The following SIPA1L1 variants were observed in gnomAD, a reference collection of about 807,000 sequenced individuals.
SIPA1L1 encodes the protein signal induced proliferation associated 1 like 1.
A neutral mutation model predicts 162.7 loss-of-function variants in SIPA1L1; 26 were observed. The ratio of observed to expected loss-of-function variants is 0.16; its 90% confidence interval spans 0.12 to 0.22. The LOEUF is 0.22. Among genes scored for constraint, SIPA1L1 ranks in the 10% least tolerant of loss-of-function variants. The pLI is 1.00. For synonymous variants in SIPA1L1, 829 were observed against 837.4 expected (o/e 0.99, Z 0.17); for missense variants, 1,874 against 2,241.0 (o/e 0.84, Z 3.31).
At chr14:71,571,778 A>T (rs965250794) in intron 4 of SIPA1L1, among the ~76,000 whole-genome samples, 1 of 150,182 alleles carries the variant, frequency 6.7e-6, no homozygotes, top group African/African-American at 2.4e-5. Flanking sequence ...AGTAGCTGGG[A>T]CTACAGGCGC....
rs59366514 is a variant in SIPA1L1, at chr14:71,332,638, A to C, written c.-465+11457A>C. ...TTAAATCTTGGTTTCTTCTACTCCC[A>C]CACCCACCCCAAAAGAATCTGGAAA... On this transcript the variant is annotated intron_variant, in intron 2 of 23. Transcript: ENST00000381232. Among the ~76,000 whole-genome samples, 544 of 152,206 alleles carry C rather than the reference A, an allele frequency of 3.6e-3. 2 individuals are homozygous for C. The highest frequency in any genetic ancestry group is 0.013 in the African/African-American group (521 of 41,542).
chr14:71,347,356 A>G (rs1328268077), intron 2 of SIPA1L1, among the ~76,000 whole-genome samples: 1 of 152,134 alleles, frequency 6.6e-6, no homozygotes, highest in Non-Finnish European at 1.5e-5. Context: ...CTTGTCAAGT[A>G]ATATTCTATT....
rs773056926 is a variant in SIPA1L1 at position 71,588,453 on chromosome 14, C to T, written c.581C>T (p.Pro194Leu). 40 of 1,613,862 alleles carry T rather than the reference C, an allele frequency of 2.5e-5. No individual in the cohort carries two copies. In the South Asian group the frequency reaches 4.2e-4, roughly 17 times the overall value. ...DVDSFDECISPTYKTGPSLHR... is the reference protein window; with the variant it reads ...DVDSFDECISLTYKTGPSLHR... Reference sequence around the variant, plus strand: ...GATAGCTTTGATGAATGTATCTCACCTACATACAAGACTGGACCATCACTG... The same window carrying T: ...GATAGCTTTGATGAATGTATCTCACTTACATACAAGACTGGACCATCACTG... Residue 194 changes from proline to leucine, a missense_variant, in exon 5 of 24, where the codon CCT becomes CTT. Coordinates refer to ENST00000381232, the MANE Select transcript of SIPA1L1 (RefSeq NM_001386936.1). This position sits in a 1 kb window ranked among gnomAD's most constrained non-coding sequence, Gnocchi z 4.3.
At chr14:71,558,270 T>C (rs1467897950) in intron 4 of SIPA1L1, among the ~76,000 whole-genome samples, 1 of 152,190 alleles carries the variant, frequency 6.6e-6, no homozygotes, top group Non-Finnish European at 1.5e-5. Flanking sequence ...ATACTTCTGC[T>C]TGAGTACCTA....
At chr14:71,516,501 C>A (rs2051740084) in intron 3 of SIPA1L1, among the ~76,000 whole-genome samples, 1 of 152,150 alleles carries the variant, frequency 6.6e-6, no homozygotes, top group Non-Finnish European at 1.5e-5. Context: ...ATCCTCCCAC[C>A]TCAGCCTCCT....
intron 7 of SIPA1L1, among the ~76,000 whole-genome samples, chr14:71,645,121 C>T (rs961417642): frequency 6.6e-6 from 1 of 152,234 alleles, no homozygotes; most frequent in South Asian, 2.1e-4. Context: ...CATGGCCCTT[C>T]CTCCATCTCC....
intron 2 of SIPA1L1, among the ~76,000 whole-genome samples, chr14:71,389,829 G>C (rs1290665084): frequency 6.6e-6 from 1 of 152,150 alleles, no homozygotes. Flanking sequence ...CTGTCAGTGT[G>C]GTGCTGTGTT....
intron 4 of SIPA1L1, 60 bp downstream of exon 4, chr14:71,529,430 G>A: frequency 1.8e-6 from 1 of 569,654 alleles, no homozygotes; most frequent in African/African-American, 1.9e-5. Flanking sequence ...GATTTTCTGT[G>A]TTTAAATTTC....
intron 5 of SIPA1L1, among the ~76,000 whole-genome samples, chr14:71,613,916 T>C (rs535120887): frequency 1.0e-3 from 158 of 152,074 alleles, no homozygotes; most frequent in African/African-American, 3.6e-3. Flanking sequence ...GATCTCAAAA[T>C]TGTAGGCATG....
At chr14:71,446,805 T>A (rs563758849) in intron 2 of SIPA1L1, among the ~76,000 whole-genome samples, 1 of 152,086 alleles carries the variant, frequency 6.6e-6, no homozygotes, top group Admixed American at 6.6e-5. Flanking sequence ...AACTCTTGCC[T>A]TTTCTTCATC....
At chr14:71,535,072 T>C (rs934093216) in intron 4 of SIPA1L1, among the ~76,000 whole-genome samples, 6 of 152,178 alleles carry the variant, frequency 3.9e-5, no homozygotes, top group African/African-American at 1.4e-4. Flanking sequence ...ATCTATAATT[T>C]TACCGTCCAG....
intron 4 of SIPA1L1, among the ~76,000 whole-genome samples, chr14:71,580,597 CTACTT>C (rs1335999879): frequency 1.3e-5 from 2 of 152,188 alleles, no homozygotes; most frequent in Non-Finnish European, 2.9e-5. Flanking sequence ...TTAGTACTCT[CTACTT>C]TATACAGCCT....
At chr14:71,671,097 C>T (rs746726646) in intron 10 of SIPA1L1, 22 bp from the exon 11 acceptor site, 1 of 1,547,818 alleles carries the variant, frequency 6.5e-7, no homozygotes, top group Non-Finnish European at 8.7e-7. Flanking sequence ...TGACGTGGCT[C>T]TCTTTGATCT....
intron 22 of SIPA1L1, chr14:71,735,692 C>A: frequency 3.7e-6 from 1 of 272,674 alleles, no homozygotes. Flanking sequence ...TCTAAGTATT[C>A]CTGTGCTCTG....
At chr14:71,394,744 A>T (rs570757539) in intron 2 of SIPA1L1, among the ~76,000 whole-genome samples, 1 of 152,380 alleles carries the variant, frequency 6.6e-6, no homozygotes, top group South Asian at 2.1e-4. Context: ...TTGTAGTTGA[A>T]TAATGTGCCC....
intron 2 of SIPA1L1, among the ~76,000 whole-genome samples, chr14:71,365,597 AAAT>A (rs2140930534): frequency 6.6e-6 from 1 of 152,286 alleles, no homozygotes; most frequent in East Asian, 1.9e-4. Flanking sequence ...TTAAATTAAT[AAAT>A]AATAATTCCT....
chr14:71,671,890 A>G (rs946536645), intron 11 of SIPA1L1, among the ~76,000 whole-genome samples, 198 bp downstream of exon 11: 1 of 144,234 alleles, frequency 6.9e-6, no homozygotes. Flanking sequence ...ATTGGGGAAG[A>G]CACATTTACT....
At chr14:71,704,926 C>A in intron 15 of SIPA1L1, 1 of 671,840 alleles carries the variant, frequency 1.5e-6, no homozygotes. Context: ...ATTTTTCCCC[C>A]AAACCAAAAG....
At chr14:71,593,996 A>T (rs1314747117) in intron 5 of SIPA1L1, among the ~76,000 whole-genome samples, 1 of 152,198 alleles carries the variant, frequency 6.6e-6, no homozygotes, top group Non-Finnish European at 1.5e-5. Flanking sequence ...ACTAATGCTT[A>T]TGCACCTAAA....
Sources: allele counts gnomAD v4.1 joint callset (sites outside exome capture counted in the v4.1 genomes callset), GRCh38; gene constraint gnomAD v4.1.1; non-coding constraint Gnocchi (gnomAD v3.1); transcripts MANE v1.5; gene names NCBI Gene and HGNC (gene_info 2026-07-23, HGNC 2026-07-21).